BPIFB2: variants seen among roughly 807,000 people sequenced by gnomAD.
BPIFB2 encodes the protein BPI fold-containing family B member 2.
Under a neutral mutation model 50.1 loss-of-function variants are expected in BPIFB2, and 39 were observed. The observed-to-expected ratio is 0.78, with a 90% CI of 0.60 to 1.02. BPIFB2 has a LOEUF of 1.02. Among genes scored for constraint, BPIFB2 ranks in the 50% least tolerant of loss-of-function variants. The pLI, the probability that BPIFB2 is intolerant of heterozygous loss-of-function variation, is 0.00. For synonymous variants in BPIFB2, 280 were observed against 256.3 expected (o/e 1.09, Z -0.88); for missense variants, 574 against 585.8 (o/e 0.98, Z 0.21).
Position 33,020,348 on chromosome 20 carries a change from GCT to G in BPIFB2, c.1106_1107del (p.Ser369CysfsTer29), listed in dbSNP as rs1221013462. 1 of 1,614,038 alleles carries G rather than the reference GCT, an allele frequency of 6.2e-7. No individual in the cohort carries two copies. Among genetic ancestry groups the G allele is most frequent in the East Asian group, 2.2e-5 (1 of 44,890 alleles). Reference sequence around the variant, plus strand: ...CCCAGGTAGTGAACTTGAGACTCCAGCTCTCTGTGTCCAAGGTGAAGCTTCAG... The same window carrying G: ...CCCAGGTAGTGAACTTGAGACTCCAGCTCTGTGTCCAAGGTGAAGCTTCAG... ...LDVVVNLRLQ[L>X]SVSKVKLQGT... On this transcript the variant is annotated frameshift_variant, in exon 12 of 16. Coordinates refer to ENST00000170150, the MANE Select transcript of BPIFB2 (RefSeq NM_025227.3). LOFTEE classifies it high-confidence loss of function.
At chr20:33,017,135 G>T (rs1351056244) in intron 7 of BPIFB2, 33 bp downstream of exon 7, 1 of 1,603,552 alleles carries the variant, frequency 6.2e-7, no homozygotes, top group Non-Finnish European at 8.5e-7. Flanking sequence ...GGGGGCTGGG[G>T]CCTCTGGGAC....
chr20:33,016,456 C>T (rs937626623), intron 6 of BPIFB2, among the ~76,000 whole-genome samples: 1 of 152,316 alleles, frequency 6.6e-6, no homozygotes, highest in Non-Finnish European at 1.5e-5. Context: ...TTCCTCTCGA[C>T]CTCGCCCTGC....
chr20:33,023,297 C>T (rs376680833), intron 15 of BPIFB2, 45 bp from the exon 16 acceptor site: 3 of 1,593,662 alleles, frequency 1.9e-6, no homozygotes, highest in Non-Finnish European at 2.6e-6. Flanking sequence ...TGGGGTCCTG[C>T]CTGTGCCTCC....
rs1314118723 is a variant in BPIFB2, at chr20:33,019,476, C to T, written c.910-104C>T. The T allele has an allele frequency of 2.3e-6, 3 of 1,300,918 alleles. No homozygotes were observed. The African/African-American group carries it at 4.5e-5, about 19-fold the overall frequency. The allele number at this position is 1,300,918 out of a possible 1,614,324, so 80.6% of individuals were successfully genotyped here. On this transcript the variant is annotated intron_variant, in intron 10 of 15. Transcript: ENST00000170150. ...GGGGGGACCCACCTCTGTGCCCAGTCACATACAGCGCCATGGTGGCCCAAT... is the reference window on the plus strand; with the variant it reads ...GGGGGGACCCACCTCTGTGCCCAGTTACATACAGCGCCATGGTGGCCCAAT...
chr20:33,013,649 G>A (rs998447291), intron 4 of BPIFB2, among the ~76,000 whole-genome samples, 161 bp from the exon 5 acceptor site: 2 of 152,248 alleles, frequency 1.3e-5, no homozygotes, highest in African/African-American at 4.8e-5. Flanking sequence ...GCTGGGGGCT[G>A]TGGGCCTGCC....
chr20:33,020,648 G>A, intron 13 of BPIFB2, 61 bp downstream of exon 13: 1 of 1,506,562 alleles, frequency 6.6e-7, no homozygotes, highest in Non-Finnish European at 9.0e-7. Flanking sequence ...CCTTGAGCCT[G>A]GGGAAGAGAT....
At chr20:33,017,809 C>T (rs1252889797) in intron 7 of BPIFB2, among the ~76,000 whole-genome samples, 4 of 152,148 alleles carry the variant, frequency 2.6e-5, no homozygotes, top group Non-Finnish European at 4.4e-5. Flanking sequence ...TGTGTGCATA[C>T]GTGTGTATAA....
At chr20:33,008,748 T>C (rs967115799) in intron 2 of BPIFB2, 65 bp downstream of exon 2, 4 of 1,315,898 alleles carry the variant, frequency 3.0e-6, no homozygotes, top group Non-Finnish European at 4.1e-6. Context: ...CCTAAGTGTG[T>C]GTGCGTAGCT....
chr20:33,015,333 TG>T, intron 5 of BPIFB2, 102 bp from the exon 6 acceptor site: 2 of 1,063,672 alleles, frequency 1.9e-6, no homozygotes, highest in Non-Finnish European at 1.4e-6. Flanking sequence ...ATTGGCCTCC[TG>T]GCTGAGGATA....
intron 3 of BPIFB2, among the ~76,000 whole-genome samples, chr20:33,011,922 T>C (rs1265634603): frequency 6.6e-6 from 1 of 152,158 alleles, no homozygotes; most frequent in Non-Finnish European, 1.5e-5. Flanking sequence ...GAGGTTGCAG[T>C]GAGCCAAGAT....
At chr20:33,022,240 C>T (rs1338641617) in intron 15 of BPIFB2, among the ~76,000 whole-genome samples, 4 of 152,152 alleles carry the variant, frequency 2.6e-5, no homozygotes, top group Admixed American at 6.5e-5. Context: ...GGGTGAGATG[C>T]GACAGCTGCT....
At chr20:33,017,791 A>G (rs991524003) in intron 7 of BPIFB2, among the ~76,000 whole-genome samples, 2 of 152,158 alleles carry the variant, frequency 1.3e-5, no homozygotes, top group African/African-American at 4.8e-5. Context: ...CGTACGTGTG[A>G]GTGTGCATGT....
chr20:33,015,864 G>A (rs920752374), intron 6 of BPIFB2, among the ~76,000 whole-genome samples: 1 of 152,128 alleles, frequency 6.6e-6, no homozygotes, highest in African/African-American at 2.4e-5. Flanking sequence ...GCCTGGACGG[G>A]TCCTGGTCCT....
chr20:33,023,209 C>G, intron 15 of BPIFB2, 133 bp from the exon 16 acceptor site: 1 of 835,302 alleles, frequency 1.2e-6, no homozygotes, highest in Non-Finnish European at 1.9e-6. Context: ...AACTGAGGCC[C>G]AGAGAGGCAA....
In BPIFB2 at chr20:33,023,415, C is replaced by G; in HGVS notation, c.*32C>G. 6.2e-7 allele frequency: 1 copy of G among 1,608,550 alleles called. No homozygotes were observed. Among genetic ancestry groups the G allele is most frequent in the Non-Finnish European group, 8.5e-7 (1 of 1,174,980 alleles). On this transcript the variant is annotated 3_prime_UTR_variant, in exon 16 of 16. Transcript: ENST00000170150. ...ACCACTGGGAGGCCTGAGAGTGGGCCAGCTCGCTGCTCAGGCGAATTTCTC... is the reference window on the plus strand; with the variant it reads ...ACCACTGGGAGGCCTGAGAGTGGGCGAGCTCGCTGCTCAGGCGAATTTCTC...
At chr20:33,019,454 G>A in intron 10 of BPIFB2, 126 bp from the exon 11 acceptor site, 3 of 1,139,894 alleles carry the variant, frequency 2.6e-6, no homozygotes, top group Non-Finnish European at 3.6e-6. Flanking sequence ...ACACAGAGGG[G>A]GGACCCACCT....
At chr20:33,012,692 C>T in intron 3 of BPIFB2, 111 bp from the exon 4 acceptor site, 2 of 844,098 alleles carry the variant, frequency 2.4e-6, no homozygotes, top group Non-Finnish European at 3.9e-6. Flanking sequence ...TTCCAATTGT[C>T]AGAAAGCCCT....
At chr20:33,011,575 C>A (rs1990288847) in intron 3 of BPIFB2, among the ~76,000 whole-genome samples, 1 of 152,222 alleles carries the variant, frequency 6.6e-6, no homozygotes, top group African/African-American at 2.4e-5. Context: ...GGCTGGTCAA[C>A]AGTCACCTTC....
In BPIFB2 at chr20:33,012,892, C is replaced by A; in HGVS notation, c.293C>A (p.Thr98Asn). The A allele has an allele frequency of 1.2e-6, 2 of 1,611,632 alleles. No individual in the cohort carries two copies. Among genetic ancestry groups the A allele is most frequent in the Non-Finnish European group, 1.7e-6 (2 of 1,177,792 alleles). ...GVRLLAAANF[T>N]FKVFRAPEPL... is the part of the protein sequence containing the mutation. ...CGCCTGCTGGCAGCAGCTAATTTTA[C>A]TTTCAAGGTCTTTCGGTGAGCGGAT... The change falls in exon 4 of 16, where the codon ACT (threonine) becomes AAT (asparagine). Residue 98 changes from threonine (T) to asparagine (N), a missense_variant. Thr to Asn is a moderately conservative substitution (Grantham distance 65, BLOSUM62 0). Coordinates refer to ENST00000170150, the MANE Select transcript of BPIFB2 (RefSeq NM_025227.3).
Sources: gnomAD v4.1 joint callset for allele counts (sites outside exome capture counted in the v4.1 genomes callset) on GRCh38, gnomAD v4.1.1 for gene constraint, MANE v1.5 for transcripts, NCBI Gene and HGNC (gene_info 2026-07-23, HGNC 2026-07-21) for gene names.